Variants in KCNQ1 observed in about 807,000 individuals in gnomAD.
The protein encoded by KCNQ1 is potassium voltage-gated channel subfamily KQT member 1.
Under a neutral mutation model 72.4 loss-of-function variants are expected in KCNQ1, and 49 were observed. The ratio of observed to expected loss-of-function variants is 0.68; its 90% CI spans 0.54 to 0.86. The LOEUF (loss-of-function observed/expected upper bound fraction) is 0.86. Among genes scored for constraint, KCNQ1 ranks in the 40% least tolerant of loss-of-function variants. The probability of loss-of-function intolerance (pLI) is 0.00; values close to 1 mark genes in which losing one functional copy is unlikely to be tolerated. For synonymous variants in KCNQ1, 450 were observed against 412.6 expected (o/e 1.09, Z -1.10); for missense variants, 790 against 945.1 (o/e 0.84, Z 2.15).
At chr11:2,776,191 C>T in intron 13 of KCNQ1, 137 bp downstream of exon 13, 1 of 740,754 alleles carries the variant, frequency 1.3e-6, no homozygotes, top group Non-Finnish European at 2.2e-6. Flanking sequence ...CTTCTCCTCA[C>T]CACCCCCAGC....
chr11:2,687,978 C>T lies in KCNQ1; in HGVS notation c.1514+25897C>T, dbSNP rs1850520106. On this transcript the variant is annotated intron_variant, in intron 11 of 15. Transcript: ENST00000155840. The surrounding 1 kb of genome is among the most constrained non-coding windows in gnomAD (Gnocchi z 5.0). ...AGCCAGGCCGCTGCTTCCTGCTTCC[C>T]TTTGATGTCTCCTCGTGCGAGGGAG... is the stretch of plus-strand genomic sequence containing the variant. 2 of 398,678 alleles carry T rather than the reference C, an allele frequency of 5.0e-6. No individual in the cohort carries two copies. The highest frequency in any genetic ancestry group is 4.4e-5 in the Admixed American group (1 of 22,720). The allele number at this position is 398,678 out of a possible 1,614,324, so 24.7% of individuals were successfully genotyped here.
intron 11 of KCNQ1, among the ~76,000 whole-genome samples, chr11:2,705,812 C>T (rs551194119): frequency 1.4e-4 from 22 of 152,300 alleles, no homozygotes; most frequent in East Asian, 3.9e-4. Flanking sequence ...GTTTGTTTTA[C>T]GCATTAAAAG....
Position 2,565,532 on chromosome 11 carries a change from C to T in KCNQ1, c.478-5096C>T, listed in dbSNP as rs1299125065. ...CACAAATAAGACACCTGAGAGCCAA[C>T]TTATAACACGCCCCAGGATGGACAT... On this transcript the variant is annotated intron_variant, in intron 2 of 15. Transcript: ENST00000155840. This position sits in a 1 kb window ranked among gnomAD's most constrained non-coding sequence, Gnocchi z 5.6. Among the ~76,000 whole-genome samples, 1 of 152,154 alleles carries T rather than the reference C, an allele frequency of 6.6e-6. No individual in the cohort carries two copies. Among genetic ancestry groups the T allele is most frequent in the East Asian group, 1.9e-4 (1 of 5,184 alleles).
chr11:2,499,920 C>A (rs1846982864), intron 1 of KCNQ1, among the ~76,000 whole-genome samples: 1 of 152,170 alleles, frequency 6.6e-6, no homozygotes, highest in Non-Finnish European at 1.5e-5. Flanking sequence ...TATGTTAGAT[C>A]ACAAAACAAG....
intron 10 of KCNQ1, chr11:2,633,495 G>A (rs1849398437): frequency 5.0e-6 from 2 of 398,360 alleles, no homozygotes; most frequent in Non-Finnish European, 8.8e-6. Context: ...AGTACTGTTT[G>A]CTTCAGGTCT....
chr11:2,522,206 C>CCT (rs1847397378), intron 1 of KCNQ1, among the ~76,000 whole-genome samples: 2 of 137,002 alleles, frequency 1.5e-5, no homozygotes, highest in African/African-American at 5.2e-5. Context: ...CAGCTCCCCG[C>CCT]CCCCCGCATG....
intron 2 of KCNQ1, among the ~76,000 whole-genome samples, chr11:2,568,183 G>T (rs1337726250): frequency 2.6e-5 from 4 of 152,290 alleles, no homozygotes; most frequent in African/African-American, 9.6e-5. Flanking sequence ...TGAGGCAGGA[G>T]AATTGCTTGA....
At chr11:2,518,773 G>A (rs1847328702) in intron 1 of KCNQ1, among the ~76,000 whole-genome samples, 1 of 152,188 alleles carries the variant, frequency 6.6e-6, no homozygotes, top group Admixed American at 6.5e-5. Context: ...GGATCCCATG[G>A]CTTTCAAGAA....
chr11:2,630,538 C>G, intron 10 of KCNQ1: 1 of 398,158 alleles, frequency 2.5e-6, no homozygotes, highest in Non-Finnish European at 4.4e-6. Flanking sequence ...TATTGCATAT[C>G]CATTGAGAAA....
In KCNQ1 at chr11:2,544,466, G is replaced by A. The variant is rs1379915937; in HGVS notation, c.477+16448G>A. ...ATATGGTTATATATCTCTTATAAGG[G>A]TTATATATCTCATATACATATGAGG... On this transcript the variant is annotated intron_variant, in intron 2 of 15. Coordinates refer to ENST00000155840, the MANE Select transcript of KCNQ1 (RefSeq NM_000218.3). This position sits in a 1 kb window ranked among gnomAD's most constrained non-coding sequence, Gnocchi z 4.4. Among the ~76,000 whole-genome samples the A allele has an allele frequency of 6.6e-6, 1 of 150,924 alleles. No homozygotes were observed. The highest frequency in any genetic ancestry group is 1.5e-5 in the Non-Finnish European group (1 of 67,812).
At chr11:2,648,262 C>A (rs926979539) in intron 10 of KCNQ1, 4 of 398,442 alleles carry the variant, frequency 1.0e-5, no homozygotes, top group Non-Finnish European at 1.3e-5. Flanking sequence ...CCTTTTATCT[C>A]TATTTCATTT....
At chr11:2,689,962 G>A (rs1293131744) in intron 11 of KCNQ1, 2 of 398,726 alleles carry the variant, frequency 5.0e-6, no homozygotes, top group East Asian at 7.1e-5. Context: ...ACTAGCCTCA[G>A]AGCCTGGCTG....
chr11:2,632,296 T>C (rs1319477957), intron 10 of KCNQ1: 2 of 398,558 alleles, frequency 5.0e-6, no homozygotes, highest in Non-Finnish European at 8.8e-6. Flanking sequence ...CAGGGATTTC[T>C]ACAAATATGA....
At position 2,684,603 on chromosome 11, in the gene KCNQ1, G is replaced by C. The variant is rs1402774115; in HGVS notation, c.1514+22522G>C. The C allele has an allele frequency of 2.0e-5, 8 of 398,528 alleles. No individual in the cohort carries two copies. In the East Asian group the frequency reaches 2.8e-4, roughly 14 times the overall value. The allele number at this position is 398,528 out of a possible 1,614,324, so 24.7% of individuals were successfully genotyped here. On this transcript the variant is annotated intron_variant, in intron 11 of 15. Coordinates refer to ENST00000155840, the MANE Select transcript of KCNQ1 (RefSeq NM_000218.3). ...AGAGGAGAGTGACTGTCCTTTGTCTGTGGCCCTGGATTTGAGGCTAAGCCT... is the reference window on the plus strand; with the variant it reads ...AGAGGAGAGTGACTGTCCTTTGTCTCTGGCCCTGGATTTGAGGCTAAGCCT...
intron 11 of KCNQ1, chr11:2,686,667 G>T (rs1250409323): frequency 2.5e-6 from 1 of 398,488 alleles, no homozygotes; most frequent in Non-Finnish European, 4.4e-6. Flanking sequence ...TGGATCAAGT[G>T]TGGGTCCCAG....
rs1257872172 is a variant in KCNQ1 at position 2,536,431 on chromosome 11, C to T, written c.477+8413C>T. Among the ~76,000 whole-genome samples the T allele has an allele frequency of 6.6e-6, 1 of 152,106 alleles. No individual in the cohort carries two copies. Among genetic ancestry groups the T allele is most frequent in the East Asian group, 1.9e-4 (1 of 5,180 alleles). ...CTTGTTGGAGTGGAGGCTGGCGCTG[C>T]CCTGCCCCACAGGGTGGCTGGCAGG... On this transcript the variant is annotated intron_variant, in intron 2 of 15. Transcript: ENST00000155840. The surrounding 1 kb of genome is among the most constrained non-coding windows in gnomAD (Gnocchi z 7.4).
Position 2,661,680 on chromosome 11 carries a change from GGA to G in KCNQ1, c.1394-277_1394-276del. On this transcript the variant is annotated intron_variant, in intron 10 of 15. Transcript: ENST00000155840. The surrounding 1 kb of genome is among the most constrained non-coding windows in gnomAD (Gnocchi z 5.9). ...GGAAGAGGCCCAGAACCTGAGGTGG[GGA>G]GAGTCTTGGACACCTGAGCACAGCC... The G allele has an allele frequency of 1.7e-6, 1 of 598,506 alleles. No homozygotes were observed. Among genetic ancestry groups the G allele is most frequent in the Non-Finnish European group, 3.0e-6 (1 of 335,594 alleles). The allele number at this position is 598,506 out of a possible 1,614,324, so 37.1% of individuals were successfully genotyped here. A position where few individuals can be genotyped will look rare whatever the true frequency, so the allele number is the denominator to read the frequency against.
intron 11 of KCNQ1, among the ~76,000 whole-genome samples, chr11:2,760,069 G>GC (rs1355352611): frequency 1.3e-5 from 2 of 152,216 alleles, no homozygotes; most frequent in Non-Finnish European, 2.9e-5. Context: ...TCCTTCGATG[G>GC]CCCCCAGTGA....
At chr11:2,514,141 C>T (rs560296151) in intron 1 of KCNQ1, among the ~76,000 whole-genome samples, 35 of 152,364 alleles carry the variant, frequency 2.3e-4, no homozygotes, top group African/African-American at 7.9e-4. Context: ...TGCCCCCCTC[C>T]CCTGCCATTA....
Sources: allele counts gnomAD v4.1 joint callset (sites outside exome capture counted in the v4.1 genomes callset), GRCh38; gene constraint gnomAD v4.1.1; non-coding constraint Gnocchi (gnomAD v3.1); transcripts MANE v1.5; gene names NCBI Gene and HGNC (gene_info 2026-07-23, HGNC 2026-07-21).